Variants in HGF observed in about 807,000 individuals in gnomAD.
HGF encodes the protein hepatocyte growth factor.
A neutral mutation model predicts 111.6 loss-of-function variants in HGF; 39 were observed. The observed-to-expected ratio is 0.35, with a 90% CI of 0.27 to 0.46. The LOEUF is 0.46. HGF is among the 20% of genes least tolerant of loss of function. The probability of loss-of-function intolerance (pLI) is 1.00; values close to 1 mark genes in which losing one functional copy is unlikely to be tolerated. For synonymous variants in HGF, 285 were observed against 294.8 expected (o/e 0.97, Z 0.34); for missense variants, 735 against 910.5 (o/e 0.81, Z 2.48).
At position 81,705,384 on chromosome 7, in the gene HGF, T is replaced by G; in HGVS notation, c.2010+6A>C. On this transcript the variant is annotated splice_donor_region_variant and intron_variant, in intron 17 of 17. Transcript: ENST00000222390. ...CATACTCCTTATTAAAGAACTTCCTTTTTACCTCACATGGTCCTGATCCAA... is the reference window on the plus strand; with the variant it reads ...CATACTCCTTATTAAAGAACTTCCTGTTTACCTCACATGGTCCTGATCCAA... The G allele has an allele frequency of 6.2e-7, 1 of 1,612,044 alleles. No homozygotes were observed. The highest frequency in any genetic ancestry group is 8.5e-7 in the Non-Finnish European group (1 of 1,178,552).
chr7:81,735,210 A>C (rs1583960255), intron 7 of HGF, among the ~76,000 whole-genome samples: 1 of 152,202 alleles, frequency 6.6e-6, no homozygotes, highest in African/African-American at 2.4e-5. Context: ...AATTGCTTGC[A>C]TGTTTGCTTT....
intron 6 of HGF, among the ~76,000 whole-genome samples, chr7:81,744,449 A>G (rs1788144749): frequency 6.6e-6 from 1 of 152,080 alleles, no homozygotes; most frequent in African/African-American, 2.4e-5. Context: ...AGCAACCTGA[A>G]TGGTTTGCTC....
chr7:81,729,463 G>A (rs1314084362), intron 8 of HGF, 142 bp downstream of exon 8: 3 of 707,518 alleles, frequency 4.2e-6, no homozygotes, highest in Non-Finnish European at 7.7e-6. Flanking sequence ...TCTGAGTGGA[G>A]GTGTAATCTG....
chr7:81,768,383 T>TTTC (rs1250165756), intron 1 of HGF, among the ~76,000 whole-genome samples: 1 of 151,940 alleles, frequency 6.6e-6, no homozygotes, highest in Non-Finnish European at 1.5e-5. Context: ...GAAGCATTTT[T>TTTC]TTCTTCTTCT....
intron 15 of HGF, 74 bp downstream of exon 15, chr7:81,706,213 G>T: frequency 1.5e-6 from 2 of 1,328,040 alleles, no homozygotes; most frequent in Non-Finnish European, 2.2e-6. Context: ...AGAACGAACT[G>T]CCACACAGCT....
At chr7:81,702,859 AAG>A in intron 17 of HGF, 102 bp from the exon 18 acceptor site, 2 of 956,114 alleles carry the variant, frequency 2.1e-6, no homozygotes, top group African/African-American at 1.7e-5. Context: ...TATACAGAAA[AAG>A]AGAATAACTG....
chr7:81,717,179 A>T, intron 11 of HGF, 53 bp downstream of exon 11: 1 of 1,567,984 alleles, frequency 6.4e-7, no homozygotes, highest in Non-Finnish European at 8.8e-7. Flanking sequence ...TTTTAGATGA[A>T]ATGTAGTACA....
intron 17 of HGF, among the ~76,000 whole-genome samples, chr7:81,703,784 T>A (rs146974884): frequency 6.6e-6 from 1 of 151,598 alleles, no homozygotes; most frequent in Non-Finnish European, 1.5e-5. Context: ...AATTAACTTA[T>A]GTGATTCAAA....
intron 2 of HGF, among the ~76,000 whole-genome samples, chr7:81,761,389 CAT>C (rs1457281790): frequency 6.6e-6 from 1 of 152,032 alleles, no homozygotes; most frequent in East Asian, 1.9e-4. Flanking sequence ...CTTTTCTGAC[CAT>C]GCTCTTCCTC....
At chr7:81,727,108 T>C (rs1276365543) in intron 8 of HGF, among the ~76,000 whole-genome samples, 2 of 151,366 alleles carry the variant, frequency 1.3e-5, no homozygotes, top group Middle Eastern at 6.3e-3. Context: ...TGGCGTGATA[T>C]CGGCTCACTG....
At chr7:81,768,466 A>G (rs1449379088) in intron 1 of HGF, among the ~76,000 whole-genome samples, 1 of 151,488 alleles carries the variant, frequency 6.6e-6, no homozygotes, top group Non-Finnish European at 1.5e-5. Flanking sequence ...TGCAACCCCC[A>G]CCTCCCAGGT....
chr7:81,711,335 A>C, intron 12 of HGF, 146 bp downstream of exon 12: 1 of 452,392 alleles, frequency 2.2e-6, no homozygotes, highest in Non-Finnish European at 3.9e-6. Context: ...GCATAGAAAA[A>C]TATATTTTAA....
intron 9 of HGF, 46 bp from the exon 10 acceptor site, chr7:81,720,893 G>C (rs776090531): frequency 1.0e-6 from 1 of 975,206 alleles, no homozygotes; most frequent in Non-Finnish European, 1.7e-6. Flanking sequence ...TATCAAGGCA[G>C]ATAAAACAAA....
In HGF at chr7:81,711,476, C is replaced by A; in HGVS notation, c.1444+5G>T. The A allele has an allele frequency of 6.9e-7, 1 of 1,450,738 alleles. No individual in the cohort carries two copies. The highest frequency in any genetic ancestry group is 9.6e-7 in the Non-Finnish European group (1 of 1,043,740). 89.9% of individuals were successfully genotyped at this position (1,450,738 alleles called of 1,614,324 possible). ...ATATACTTTATATTGTGAAATATTA[C>A]TTACGGTCTAAATTGACTATTGTAG... On this transcript the variant is annotated splice_donor_5th_base_variant and intron_variant, in intron 12 of 17. Transcript: ENST00000222390.
At chr7:81,716,508 G>A (rs768948253) in intron 11 of HGF, among the ~76,000 whole-genome samples, 1 of 152,022 alleles carries the variant, frequency 6.6e-6, no homozygotes, top group Admixed American at 6.6e-5. Context: ...TTTTTCCTAC[G>A]AATATGTTTT....
At chr7:81,754,877 A>T (rs1159568210) in intron 4 of HGF, among the ~76,000 whole-genome samples, 5 of 152,114 alleles carry the variant, frequency 3.3e-5, no homozygotes, top group Non-Finnish European at 7.4e-5. Context: ...AGCATGTGCC[A>T]GTCAGCAGAT....
At chr7:81,726,216 A>G (rs1364745401) in intron 8 of HGF, among the ~76,000 whole-genome samples, 199 bp from the exon 9 acceptor site, 1 of 152,182 alleles carries the variant, frequency 6.6e-6, no homozygotes, top group African/African-American at 2.4e-5. Context: ...AAATGCTGTC[A>G]TATGTTAATA....
intron 2 of HGF, among the ~76,000 whole-genome samples, chr7:81,760,763 G>A (rs751478566): frequency 6.7e-6 from 1 of 149,916 alleles, no homozygotes; most frequent in Non-Finnish European, 1.5e-5. Flanking sequence ...AAAAAATCTT[G>A]GCTCTAATAC....
intron 4 of HGF, among the ~76,000 whole-genome samples, chr7:81,754,313 C>T (rs1227511997): frequency 6.6e-6 from 1 of 151,778 alleles, no homozygotes; most frequent in African/African-American, 2.4e-5. Context: ...AGCAAATGTT[C>T]AATACACAAA....
Sources: gnomAD v4.1 joint callset for allele counts (sites outside exome capture counted in the v4.1 genomes callset) on GRCh38, gnomAD v4.1.1 for gene constraint, MANE v1.5 for transcripts, NCBI Gene and HGNC (gene_info 2026-07-23, HGNC 2026-07-21) for gene names.